FHIT: variants seen among roughly 807,000 people sequenced by gnomAD.
FHIT encodes bis(5'-adenosyl)-triphosphatase.
A neutral mutation model predicts 17.9 loss-of-function variants in FHIT; 19 were observed. That is an observed-to-expected ratio of 1.06 (90% confidence interval 0.74 to 1.56). The LOEUF is 1.56. Among genes scored for constraint, FHIT ranks in the 40% most tolerant of loss-of-function variants. The pLI, the probability that FHIT is intolerant of heterozygous loss-of-function variation, is 0.00. For synonymous variants in FHIT, 81 were observed against 69.7 expected (o/e 1.16, Z -0.81); for missense variants, 248 against 189.2 (o/e 1.31, Z -1.82).
chr3:61,191,899 T>C (rs778316739), intron 2 of FHIT, among the ~76,000 whole-genome samples: 11 of 152,132 alleles, frequency 7.2e-5, no homozygotes, highest in Non-Finnish European at 8.8e-5. Context: ...CCACCAGGGA[T>C]GAGCCCCATT....
intron 4 of FHIT, among the ~76,000 whole-genome samples, chr3:60,749,196 T>A (rs2042419234): frequency 6.6e-6 from 1 of 152,218 alleles, no homozygotes; most frequent in Non-Finnish European, 1.5e-5. Context: ...ATATTTATGA[T>A]ATATTGAGTC....
chr3:61,187,232 T>C (rs971592761), intron 2 of FHIT, among the ~76,000 whole-genome samples: 1 of 152,090 alleles, frequency 6.6e-6, no homozygotes, highest in African/African-American at 2.4e-5. Context: ...AAGGAACTAA[T>C]GATTCAAAAA....
At chr3:60,177,463 T>TA (rs1220110967) in intron 5 of FHIT, among the ~76,000 whole-genome samples, 2 of 151,972 alleles carry the variant, frequency 1.3e-5, no homozygotes, top group Non-Finnish European at 2.9e-5. Context: ...CAATTAAAAA[T>TA]AAAAAACAAG....
intron 4 of FHIT, among the ~76,000 whole-genome samples, chr3:60,807,335 G>C (rs1381733930): frequency 6.6e-6 from 1 of 151,938 alleles, no homozygotes; most frequent in African/African-American, 2.4e-5. Context: ...ATATTTTCTA[G>C]GCTGAAGCAG....
In FHIT at chr3:61,075,102, T is replaced by A. The variant is rs971392600; in HGVS notation, c.-163-33003A>T. Among the ~76,000 whole-genome samples the A allele has an allele frequency of 5.9e-5, 9 of 152,134 alleles. 1 individual carries two copies. The highest frequency in any genetic ancestry group is 6.5e-5 in the Admixed American group (1 of 15,268). On this transcript the variant is annotated intron_variant, in intron 2 of 9. Transcript: ENST00000492590. Reference sequence around the variant, plus strand: ...AAGAACAAAGCAGGTTTCAATGTTCTACCAAAAAATGTCTTAGCCCCTGGC... The same window carrying A: ...AAGAACAAAGCAGGTTTCAATGTTCAACCAAAAAATGTCTTAGCCCCTGGC...
chr3:60,514,474 G>A (rs981177513), intron 5 of FHIT, among the ~76,000 whole-genome samples: 11 of 152,164 alleles, frequency 7.2e-5, no homozygotes, highest in Admixed American at 3.9e-4. Flanking sequence ...GGGAGCTCCC[G>A]TTTCACTGGG....
chr3:60,901,624 G>A (rs1706117189), intron 3 of FHIT, among the ~76,000 whole-genome samples: 1 of 152,202 alleles, frequency 6.6e-6, no homozygotes, highest in African/African-American at 2.4e-5. Flanking sequence ...GGGTGTCCAA[G>A]TAGCAGTAAC....
rs546739035 is a variant in FHIT at position 60,437,473 on chromosome 3, T to C, written c.103+99387A>G. Among the ~76,000 whole-genome samples, 8 of 152,248 alleles carry C rather than the reference T, an allele frequency of 5.3e-5. No homozygotes were observed. The East Asian group carries it at 1.5e-3, about 29-fold the overall frequency. On this transcript the variant is annotated intron_variant, in intron 5 of 9. Coordinates refer to ENST00000492590, the MANE Select transcript of FHIT (RefSeq NM_002012.4). Reference sequence around the variant, plus strand: ...CATTTAGCCAAAACTTGCTGAATCCTGCTCTATGCCCGCCATGACACATCA... The same window carrying C: ...CATTTAGCCAAAACTTGCTGAATCCCGCTCTATGCCCGCCATGACACATCA...
intron 3 of FHIT, among the ~76,000 whole-genome samples, chr3:60,960,063 GT>G (rs144453734): frequency 0.079 from 11,736 of 148,078 alleles, 624 homozygotes; most frequent in Middle Eastern, 0.2. Flanking sequence ...TTTTGGGGCA[GT>G]TTTTTTTTTA....
At chr3:59,874,843 C>T (rs1314522239) in intron 8 of FHIT, among the ~76,000 whole-genome samples, 1 of 152,196 alleles carries the variant, frequency 6.6e-6, no homozygotes, top group Non-Finnish European at 1.5e-5. Context: ...TCCATTCCTT[C>T]TAGCACTCCC....
intron 4 of FHIT, among the ~76,000 whole-genome samples, chr3:60,590,974 G>C (rs1170559377): frequency 3.3e-5 from 5 of 152,014 alleles, no homozygotes; most frequent in African/African-American, 1.2e-4. Flanking sequence ...GACAGAATTA[G>C]GGAAATACTA....
At chr3:60,789,359 A>G (rs1553727913) in intron 4 of FHIT, among the ~76,000 whole-genome samples, 2 of 152,062 alleles carry the variant, frequency 1.3e-5, no homozygotes, top group Non-Finnish European at 2.9e-5. Flanking sequence ...TCTACTGAAA[A>G]TACAAAAAAT....
intron 4 of FHIT, among the ~76,000 whole-genome samples, chr3:60,606,855 T>A (rs782602297): frequency 1.1e-4 from 16 of 152,314 alleles, no homozygotes; most frequent in Non-Finnish European, 1.8e-4. Context: ...CCTGCCCGCA[T>A]CTTGATTCTG....
intron 4 of FHIT, among the ~76,000 whole-genome samples, chr3:60,676,281 A>C (rs2040618874): frequency 6.6e-6 from 1 of 152,114 alleles, no homozygotes. Flanking sequence ...GCTCAAGTTT[A>C]TTTTTGTTGT....
intron 5 of FHIT, among the ~76,000 whole-genome samples, chr3:60,164,948 C>T (rs775606257): frequency 3.3e-5 from 5 of 152,050 alleles, no homozygotes; most frequent in Admixed American, 6.6e-5. Flanking sequence ...TAGAAACAAC[C>T]GACTTGTGTG....
intron 8 of FHIT, among the ~76,000 whole-genome samples, chr3:59,787,128 A>T (rs976611457): frequency 2.6e-5 from 4 of 152,180 alleles, no homozygotes; most frequent in African/African-American, 4.8e-5. Context: ...AACATGCTAT[A>T]TCATAAATAT....
At chr3:60,881,088 A>G (rs1287086007) in intron 3 of FHIT, among the ~76,000 whole-genome samples, 3 of 152,334 alleles carry the variant, frequency 2.0e-5, no homozygotes, top group East Asian at 1.9e-4. Context: ...GATTAAGAGC[A>G]AAGGAATAGA....
intron 2 of FHIT, among the ~76,000 whole-genome samples, chr3:61,126,237 G>C (rs2036602665): frequency 6.8e-6 from 1 of 146,734 alleles, no homozygotes; most frequent in Non-Finnish European, 1.5e-5. Flanking sequence ...TAGGAAACAA[G>C]ACAGAAAACA....
chr3:60,375,473 G>A (rs1163984777), intron 5 of FHIT, among the ~76,000 whole-genome samples: 2 of 151,950 alleles, frequency 1.3e-5, no homozygotes, highest in African/African-American at 4.8e-5. Flanking sequence ...TATTCAGGAG[G>A]CTGAGGCACA....
Sources: allele counts gnomAD v4.1 joint callset (sites outside exome capture counted in the v4.1 genomes callset), GRCh38; gene constraint gnomAD v4.1.1; transcripts MANE v1.5; gene names NCBI Gene and HGNC (gene_info 2026-07-23, HGNC 2026-07-21).